The following RBFOX1 variants were observed in gnomAD, a reference collection of about 807,000 sequenced individuals.
The protein encoded by RBFOX1 is RNA binding protein fox-1 homolog 1.
RBFOX1 carries 8 observed loss-of-function variants against 57.7 expected under a neutral mutation model. The ratio of observed to expected loss-of-function variants is 0.14; its 90% CI spans 0.08 to 0.25. The LOEUF (loss-of-function observed/expected upper bound fraction) is 0.25, where lower values mean the gene tolerates loss of function less well. Ranked by LOEUF, RBFOX1 falls within the 10% of genes least tolerant of loss-of-function variation. RBFOX1 has a pLI of 1.00. For missense variants in RBFOX1, 611 were observed against 548.5 expected (o/e 1.11, Z -1.14); for synonymous variants, 326 against 222.4 (o/e 1.47, Z -4.15).
chr16:5,811,366 C>T (rs906068579), intron 3 of RBFOX1, among the ~76,000 whole-genome samples: 2 of 151,876 alleles, frequency 1.3e-5, no homozygotes, highest in Admixed American at 1.3e-4. Context: ...TGGTGTTGAA[C>T]TCCTGACCTC....
chr16:7,426,091 A>C (rs996896944), intron 4 of RBFOX1, among the ~76,000 whole-genome samples: 11 of 152,210 alleles, frequency 7.2e-5, no homozygotes, highest in African/African-American at 2.4e-4. Context: ...TTAAGGGAGT[A>C]ATCATTTTAA....
chr16:5,580,972 C>G (rs1437462952), intron 2 of RBFOX1, among the ~76,000 whole-genome samples: 1 of 152,208 alleles, frequency 6.6e-6, no homozygotes, highest in Non-Finnish European at 1.5e-5. Context: ...TTTCCTTTAT[C>G]TCAACTCTTC....
intron 1 of RBFOX1, among the ~76,000 whole-genome samples, chr16:5,444,162 T>A (rs1330602831): frequency 6.6e-6 from 1 of 152,202 alleles, no homozygotes; most frequent in East Asian, 1.9e-4. Flanking sequence ...GAACATGTTT[T>A]GTGTTCTATT....
chr16:7,300,730 A>C (rs2141990542), intron 4 of RBFOX1, among the ~76,000 whole-genome samples: 1 of 152,364 alleles, frequency 6.6e-6, no homozygotes, highest in Middle Eastern at 3.4e-3. Context: ...TTGCTGGCAA[A>C]GTTGGAAGAA....
chr16:7,143,653 C>T (rs1406712448), intron 4 of RBFOX1, among the ~76,000 whole-genome samples: 2 of 152,082 alleles, frequency 1.3e-5, no homozygotes, highest in Non-Finnish European at 2.9e-5. Flanking sequence ...TCTCTGAAAC[C>T]TGGGAGTTCA....
intron 4 of RBFOX1, among the ~76,000 whole-genome samples, chr16:5,928,377 C>T: frequency 6.6e-6 from 1 of 151,404 alleles, no homozygotes; most frequent in South Asian, 2.1e-4. Context: ...GCCACCACAC[C>T]CAGTCATGCA....
intron 1 of RBFOX1, among the ~76,000 whole-genome samples, chr16:5,356,855 T>C (rs191471561): frequency 1.9e-3 from 295 of 152,334 alleles, no homozygotes; most frequent in Non-Finnish European, 3.1e-3. Flanking sequence ...AGTAATACTA[T>C]TGATAATGTT....
At chr16:6,325,192 C>T (rs1164078407) in intron 2 of RBFOX1, among the ~76,000 whole-genome samples, 1 of 151,868 alleles carries the variant, frequency 6.6e-6, no homozygotes, top group Admixed American at 6.6e-5. Context: ...CCCATCTCTA[C>T]ATAAAATGTT....
intron 3 of RBFOX1, among the ~76,000 whole-genome samples, chr16:5,856,235 A>T (rs1367956009): frequency 3.5e-5 from 2 of 57,126 alleles, no homozygotes; most frequent in Admixed American, 5.1e-4. Flanking sequence ...ATATGTATAT[A>T]TATGTGTATA....
At chr16:6,701,788 G>A (rs528985210) in intron 3 of RBFOX1, among the ~76,000 whole-genome samples, 14 of 152,280 alleles carry the variant, frequency 9.2e-5, no homozygotes, top group African/African-American at 2.9e-4. Flanking sequence ...GAATGAAATC[G>A]TGTCCTTTGC....
chr16:7,363,767 T>C (rs2097377335), intron 4 of RBFOX1, among the ~76,000 whole-genome samples: 1 of 152,134 alleles, frequency 6.6e-6, no homozygotes, highest in South Asian at 2.1e-4. Flanking sequence ...TATAGACGTT[T>C]GAGTAGCTGT....
At chr16:6,157,830 G>T (rs2096849237) in intron 1 of RBFOX1, among the ~76,000 whole-genome samples, 1 of 152,168 alleles carries the variant, frequency 6.6e-6, no homozygotes. Flanking sequence ...TATCAGCAAT[G>T]TTAGACTTAT....
At chr16:6,868,003 C>G (rs964756154) in intron 3 of RBFOX1, among the ~76,000 whole-genome samples, 10 of 152,074 alleles carry the variant, frequency 6.6e-5, no homozygotes, top group African/African-American at 2.2e-4. Flanking sequence ...TTCTGAGAAG[C>G]TGAAACTACT....
chr16:7,071,679 T>A (rs1249813173), intron 4 of RBFOX1, among the ~76,000 whole-genome samples: 1 of 151,322 alleles, frequency 6.6e-6, no homozygotes, highest in Non-Finnish European at 1.5e-5. Context: ...ATATATATAT[T>A]TTCCCAGTAT....
At chr16:7,035,285 C>T (rs918905842) in intron 3 of RBFOX1, among the ~76,000 whole-genome samples, 1 of 152,062 alleles carries the variant, frequency 6.6e-6, no homozygotes, top group Non-Finnish European at 1.5e-5. Context: ...CCCTTCATTC[C>T]TCACCCAGGC....
intron 1 of RBFOX1, among the ~76,000 whole-genome samples, chr16:6,156,480 C>G (rs2096839331): frequency 6.6e-6 from 1 of 152,178 alleles, no homozygotes; most frequent in Non-Finnish European, 1.5e-5. Context: ...ATGGGGCATG[C>G]CCTTGAGAAG....
chr16:7,640,957 G>A (rs867774669), intron 11 of RBFOX1, among the ~76,000 whole-genome samples: 2 of 151,272 alleles, frequency 1.3e-5, no homozygotes, highest in Middle Eastern at 3.5e-3. Flanking sequence ...CAGGTAAGTT[G>A]CAGGGGCCAA....
chr16:6,666,400 T>C (rs1262691659), intron 3 of RBFOX1, among the ~76,000 whole-genome samples: 1 of 152,068 alleles, frequency 6.6e-6, no homozygotes, highest in African/African-American at 2.4e-5. Flanking sequence ...CCAGGTGTGG[T>C]GGTGGGCACC....
chr16:7,039,197 G>C (rs1488445755), intron 3 of RBFOX1, among the ~76,000 whole-genome samples: 1 of 152,256 alleles, frequency 6.6e-6, no homozygotes, highest in East Asian at 1.9e-4. Context: ...AAATATGTTA[G>C]AGCTTTCAGC....
Sources: allele counts gnomAD v4.1 joint callset (sites outside exome capture counted in the v4.1 genomes callset), GRCh38; gene constraint gnomAD v4.1.1; transcripts MANE v1.5; gene names NCBI Gene and HGNC (gene_info 2026-07-23, HGNC 2026-07-21).